Variants in LHFPL3 observed in about 807,000 individuals in gnomAD.
The protein encoded by LHFPL3 is LHFPL tetraspan subfamily member 3 protein.
LHFPL3 carries 5 observed loss-of-function variants against 19.3 expected under a neutral mutation model. The observed-to-expected ratio is 0.26, with a 90% CI of 0.14 to 0.54. The LOEUF (loss-of-function observed/expected upper bound fraction) is 0.54. Among genes scored for constraint, LHFPL3 ranks in the 20% least tolerant of loss-of-function variants. The pLI is 0.94. For synonymous variants in LHFPL3, 133 were observed against 126.2 expected, an observed-to-expected ratio of 1.05 and a Z score of -0.36; for missense variants, 249 against 307.4, an observed-to-expected ratio of 0.81 and a Z score of 1.42.
chr7:104,394,991 G>A lies in LHFPL3; in HGVS notation c.445+65767G>A, dbSNP rs370568156. On this transcript the variant is annotated intron_variant, in intron 1 of 2. Transcript: ENST00000424859. ...TGGGATTAAAGGCATGAGCCAGCAC[G>A]CCAGGCTGCTAGTCGTCATTTTCTA... 2.4e-4 allele frequency among the ~76,000 whole-genome samples: 36 copies of A among 151,910 alleles called. No homozygotes were observed. The South Asian group carries it at 5.0e-3, about 21-fold the overall frequency.
chr7:104,599,926 G>T (rs946828762), intron 1 of LHFPL3, among the ~76,000 whole-genome samples: 1 of 152,228 alleles, frequency 6.6e-6, no homozygotes, highest in Non-Finnish European at 1.5e-5. Context: ...CTTTTTAAAG[G>T]CCCTAAACTT....
At chr7:104,571,898 T>C (rs935685544) in intron 1 of LHFPL3, among the ~76,000 whole-genome samples, 10 of 152,156 alleles carry the variant, frequency 6.6e-5, no homozygotes, top group Non-Finnish European at 1.3e-4. Flanking sequence ...CTTTCTAAAC[T>C]TTATGTAAAC....
At chr7:104,720,980 C>T (rs1013867497) in intron 1 of LHFPL3, among the ~76,000 whole-genome samples, 8 of 152,118 alleles carry the variant, frequency 5.3e-5, no homozygotes, top group South Asian at 2.1e-4. Context: ...GACAGTGTGA[C>T]GATTCCTCAA....
At chr7:104,840,204 A>G (rs1375780695) in intron 2 of LHFPL3, among the ~76,000 whole-genome samples, 1 of 151,852 alleles carries the variant, frequency 6.6e-6, no homozygotes. Context: ...CTCTAACACT[A>G]AATTACAATA....
intron 1 of LHFPL3, among the ~76,000 whole-genome samples, chr7:104,392,615 A>G (rs1791098653): frequency 6.6e-6 from 1 of 152,118 alleles, no homozygotes; most frequent in African/African-American, 2.4e-5. Flanking sequence ...TTTTTGCATC[A>G]ATGTTCATCA....
chr7:104,461,617 G>A (rs1792665549), intron 1 of LHFPL3, among the ~76,000 whole-genome samples: 2 of 152,054 alleles, frequency 1.3e-5, no homozygotes, highest in African/African-American at 4.8e-5. Context: ...GCCCTGGAGT[G>A]TAGTTTGAAG....
chr7:104,767,267 G>A (rs573222412), intron 2 of LHFPL3, among the ~76,000 whole-genome samples: 1 of 152,316 alleles, frequency 6.6e-6, no homozygotes, highest in South Asian at 2.1e-4. Context: ...AGCTGAGAGA[G>A]GCCATTTGGC....
chr7:104,864,978 C>A (rs1056773319), intron 2 of LHFPL3, among the ~76,000 whole-genome samples: 1 of 152,164 alleles, frequency 6.6e-6, no homozygotes, highest in Non-Finnish European at 1.5e-5. Flanking sequence ...CTGGAATGGA[C>A]CTCCAGCAAA....
At chr7:104,807,163 TA>T (rs1317068952) in intron 2 of LHFPL3, among the ~76,000 whole-genome samples, 1 of 152,088 alleles carries the variant, frequency 6.6e-6, no homozygotes, top group Non-Finnish European at 1.5e-5. Flanking sequence ...CTCAGTCTAA[TA>T]TGACTGGTGT....
chr7:104,543,682 A>G (rs946772823), intron 1 of LHFPL3, among the ~76,000 whole-genome samples: 10 of 144,214 alleles, frequency 6.9e-5, no homozygotes, highest in South Asian at 2.3e-4. Context: ...ACCAAACACC[A>G]CATGTTCTCA....
intron 1 of LHFPL3, among the ~76,000 whole-genome samples, chr7:104,490,828 C>G (rs1311691553): frequency 6.6e-6 from 1 of 152,156 alleles, no homozygotes; most frequent in Non-Finnish European, 1.5e-5. Context: ...CTCTGGAATT[C>G]ACTATTCCCT....
chr7:104,399,360 A>C lies in LHFPL3; in HGVS notation c.445+70136A>C, dbSNP rs765927582. Among the ~76,000 whole-genome samples the C allele has an allele frequency of 6.6e-6, 1 of 151,992 alleles. No individual in the cohort carries two copies. Among genetic ancestry groups the C allele is most frequent in the Non-Finnish European group, 1.5e-5 (1 of 67,996 alleles). On this transcript the variant is annotated intron_variant, in intron 1 of 2. Coordinates refer to ENST00000424859, the MANE Select transcript of LHFPL3 (RefSeq NM_199000.3). This position sits in a 1 kb window ranked among gnomAD's most constrained non-coding sequence, Gnocchi z 4.4. ...AATGTAACTTTACTATTGCTCTGAT[A>C]ATTTTTTTCCCATTTATCCTGTAAC... is the stretch of plus-strand genomic sequence containing the variant.
chr7:104,799,793 A>G (rs1790205250), intron 2 of LHFPL3: 1 of 153,196 alleles, frequency 6.5e-6, no homozygotes, highest in Non-Finnish European at 1.5e-5. Flanking sequence ...TGCCCTGAAG[A>G]ACCTCATTTT....
intron 2 of LHFPL3, among the ~76,000 whole-genome samples, chr7:104,814,323 C>G (rs1233589863): frequency 6.6e-6 from 1 of 152,170 alleles, no homozygotes; most frequent in Non-Finnish European, 1.5e-5. Context: ...GTCGACTCAT[C>G]ATCTCCCTAT....
chr7:104,855,645 T>C (rs1467733586), intron 2 of LHFPL3, among the ~76,000 whole-genome samples: 1 of 146,490 alleles, frequency 6.8e-6, no homozygotes, highest in African/African-American at 2.5e-5. Flanking sequence ...TTTTTTTTAG[T>C]CGGAGCCTCG....
intron 1 of LHFPL3, among the ~76,000 whole-genome samples, chr7:104,460,321 G>A (rs1177715695): frequency 6.6e-6 from 1 of 152,118 alleles, no homozygotes; most frequent in Non-Finnish European, 1.5e-5. Context: ...TCACATGTGT[G>A]TGTCTTTATG....
intron 1 of LHFPL3, among the ~76,000 whole-genome samples, chr7:104,639,660 T>C (rs990864871): frequency 1.8e-4 from 28 of 152,310 alleles, no homozygotes; most frequent in African/African-American, 6.3e-4. Flanking sequence ...AGAAAAGTAT[T>C]TTGGGAATGG....
At chr7:104,505,957 A>C (rs1793690671) in intron 1 of LHFPL3, among the ~76,000 whole-genome samples, 2 of 152,218 alleles carry the variant, frequency 1.3e-5, no homozygotes, top group African/African-American at 4.8e-5. Flanking sequence ...AATTACACAT[A>C]ATACATAGGC....
At chr7:104,870,153 A>G (rs1222592588) in intron 2 of LHFPL3, among the ~76,000 whole-genome samples, 2 of 152,220 alleles carry the variant, frequency 1.3e-5, no homozygotes, top group Non-Finnish European at 2.9e-5. Flanking sequence ...ATGACGAGTT[A>G]CTGGGTGCAG....
Sources: allele counts gnomAD v4.1 joint callset (sites outside exome capture counted in the v4.1 genomes callset), GRCh38; gene constraint gnomAD v4.1.1; non-coding constraint Gnocchi (gnomAD v3.1); transcripts MANE v1.5; gene names NCBI Gene and HGNC (gene_info 2026-07-23, HGNC 2026-07-21).